Variants in FAM114A1 observed in about 807,000 individuals in gnomAD.
FAM114A1 encodes family with sequence similarity 114 member A1, also known as protein NOXP20.
In FAM114A1, 62 loss-of-function variants were observed where a neutral mutation model predicts 64.3. The observed-to-expected ratio is 0.96, with a 90% CI of 0.79 to 1.19. FAM114A1 has a LOEUF of 1.19. FAM114A1 is among the 50% of genes most tolerant of loss of function. The pLI, the probability that FAM114A1 is intolerant of heterozygous loss-of-function variation, is 0.00. For missense variants in FAM114A1, 645 were observed against 676.3 expected, an observed-to-expected ratio of 0.95 and a Z score of 0.51; for synonymous variants, 254 against 251.1, an observed-to-expected ratio of 1.01 and a Z score of -0.11.
Position 38,899,318 on chromosome 4 carries a change from T to A in FAM114A1, c.437-6204T>A, listed in dbSNP as rs113987444. 2.1e-3 allele frequency among the ~76,000 whole-genome samples: 318 copies of A among 152,282 alleles called. 2 individuals carry two copies. Among genetic ancestry groups the A allele is most frequent in the African/African-American group, 6.7e-3 (280 of 41,550 alleles). On this transcript the variant is annotated intron_variant, in intron 4 of 14. Coordinates refer to ENST00000358869, the MANE Select transcript of FAM114A1 (RefSeq NM_138389.4). ...GGGGTTTGGGATGACTCTTAGGAGA[T>A]GTCTTCCATTAATCCACAGCACCGG... is the stretch of plus-strand genomic sequence containing the variant.
At position 38,878,164 on chromosome 4, in the gene FAM114A1, A is replaced by G. The variant is rs778502239; in HGVS notation, c.86A>G (p.Asp29Gly). 7 of 1,614,102 alleles carry G rather than the reference A, an allele frequency of 4.3e-6. No homozygotes were observed. Among genetic ancestry groups the G allele is most frequent in the South Asian group, 1.1e-5 (1 of 91,090 alleles). ...CCTAATAGTGATTCTTTACCTGAGG[A>G]TGCAGAAGTGCATTGTGATTCAGCT... ...EMPNSDSLPE[D>G]AEVHCDSAAV... The change falls in exon 3 of 15, where the codon GAT (aspartate) becomes GGT (glycine). Residue 29 changes from aspartate to glycine, a missense_variant. By Grantham distance (94) the Asp-to-Gly change is moderately conservative. Coordinates refer to ENST00000358869, the MANE Select transcript of FAM114A1 (RefSeq NM_138389.4).
chr4:38,895,632 C>A (rs1000715165), intron 4 of FAM114A1, among the ~76,000 whole-genome samples: 1 of 152,122 alleles, frequency 6.6e-6, no homozygotes, highest in African/African-American at 2.4e-5. Context: ...ATCTTGGGGC[C>A]GTCTCTCAAT....
At chr4:38,941,948 A>G (rs2109819774) in intron 14 of FAM114A1, among the ~76,000 whole-genome samples, 1 of 152,376 alleles carries the variant, frequency 6.6e-6, no homozygotes, top group Admixed American at 6.5e-5. Context: ...AAGAAATTTA[A>G]TGGACTCACA....
chr4:38,869,128 AG>A (rs2109502955), intron 2 of FAM114A1, among the ~76,000 whole-genome samples: 1 of 152,352 alleles, frequency 6.6e-6, no homozygotes, highest in East Asian at 1.9e-4. Context: ...TAAATATCTG[AG>A]GGACAGAAAC....
chr4:38,935,923 C>A, intron 13 of FAM114A1, 133 bp downstream of exon 13: 2 of 659,980 alleles, frequency 3.0e-6, no homozygotes, highest in South Asian at 4.0e-5. Context: ...TGAAGTCAGG[C>A]CAAGAGTAAC....
chr4:38,906,787 G>T (rs189247392), intron 6 of FAM114A1, among the ~76,000 whole-genome samples: 2 of 152,016 alleles, frequency 1.3e-5, no homozygotes, highest in Admixed American at 1.3e-4. Flanking sequence ...CTCCTGCCTC[G>T]GCCTCCCAAA....
At chr4:38,897,955 A>G (rs1579329800) in intron 4 of FAM114A1, among the ~76,000 whole-genome samples, 1 of 152,140 alleles carries the variant, frequency 6.6e-6, no homozygotes, top group African/African-American at 2.4e-5. Flanking sequence ...CAAAAAAAAA[A>G]AAAGAAAGAA....
chr4:38,937,351 C>T (rs1200526043), intron 13 of FAM114A1, among the ~76,000 whole-genome samples: 3 of 152,166 alleles, frequency 2.0e-5, no homozygotes, highest in Non-Finnish European at 4.4e-5. Flanking sequence ...GTGTTCCTTG[C>T]CTTGTGGCTG....
At chr4:38,943,336 A>G (rs1721718477) in intron 14 of FAM114A1, 120 bp from the exon 15 acceptor site, 7 of 782,400 alleles carry the variant, frequency 8.9e-6, no homozygotes, top group Middle Eastern at 4.8e-4. Context: ...CCAATATTGC[A>G]AGATAAATAT....
intron 2 of FAM114A1, among the ~76,000 whole-genome samples, chr4:38,870,506 A>G (rs1713940328): frequency 6.6e-6 from 1 of 152,212 alleles, no homozygotes; most frequent in African/African-American, 2.4e-5. Context: ...TACCTTGCAT[A>G]GTTCTGGGAG....
chr4:38,898,513 T>A (rs550152430), intron 4 of FAM114A1, among the ~76,000 whole-genome samples: 5 of 152,296 alleles, frequency 3.3e-5, no homozygotes, highest in Admixed American at 3.3e-4. Context: ...GCTGATGATA[T>A]GAAATTTCTC....
At chr4:38,927,881 A>G (rs1200641850) in intron 9 of FAM114A1, among the ~76,000 whole-genome samples, 1 of 152,022 alleles carries the variant, frequency 6.6e-6, no homozygotes, top group Non-Finnish European at 1.5e-5. Context: ...ACGGGGTTTC[A>G]CCATCTTGGC....
chr4:38,917,285 C>T (rs1395141783), intron 8 of FAM114A1, among the ~76,000 whole-genome samples: 2 of 151,938 alleles, frequency 1.3e-5, no homozygotes, highest in East Asian at 3.9e-4. Flanking sequence ...TTGCAGTAAG[C>T]CGAGATCGTG....
At position 38,932,345 on chromosome 4, in the gene FAM114A1, A is replaced by T; in HGVS notation, c.1434A>T (p.Pro478=). The change falls in exon 12 of 15, where the codon CCA becomes CCT. Residue 478 remains proline (P), a synonymous_variant. Transcript: ENST00000358869. ...TTCATGGACAAGAAGAGGAAAAACC[A>T]GCTCAGGACCAAGCAAAAGTTCTAA... ...LILHGQEEEK[P]AQDQAKVLIK... 6.3e-7 allele frequency: 1 copy of T among 1,598,572 alleles called. No homozygotes were observed.
intron 1 of FAM114A1, chr4:38,868,078 T>A: frequency 4.8e-6 from 2 of 414,668 alleles, no homozygotes; most frequent in South Asian, 1.7e-5. Context: ...TGTGAGTGTG[T>A]GTCGCTCCGG....
intron 8 of FAM114A1, 93 bp from the exon 9 acceptor site, chr4:38,922,677 A>G (rs1047538469): frequency 9.5e-6 from 14 of 1,471,952 alleles, no homozygotes; most frequent in Non-Finnish European, 1.3e-5. Flanking sequence ...ACCATGAATC[A>G]CTTTTGTCCT....
chr4:38,880,104 AG>A (rs1209105692), intron 3 of FAM114A1, among the ~76,000 whole-genome samples: 27 of 131,646 alleles, frequency 2.1e-4, no homozygotes, highest in African/African-American at 3.3e-4. Flanking sequence ...AAAATAAAAT[AG>A]AGTAGAATAG....
chr4:38,936,197 G>A (rs13134369), intron 13 of FAM114A1, among the ~76,000 whole-genome samples: 67,870 of 151,056 alleles, frequency 0.45, 15,554 homozygotes, highest in East Asian at 0.63. Flanking sequence ...GGCTCACGCC[G>A]TTCTCCTGCC....
intron 14 of FAM114A1, among the ~76,000 whole-genome samples, chr4:38,942,994 C>G (rs535596006): frequency 1.3e-5 from 2 of 152,216 alleles, no homozygotes; most frequent in South Asian, 4.1e-4. Flanking sequence ...AAGATCAAGA[C>G]CATCCTGGCC....
Sources: allele counts gnomAD v4.1 joint callset (sites outside exome capture counted in the v4.1 genomes callset), GRCh38; gene constraint gnomAD v4.1.1; transcripts MANE v1.5; gene names NCBI Gene and HGNC (gene_info 2026-07-23, HGNC 2026-07-21).